Variants in PPP2R2C observed in about 807,000 individuals in gnomAD.
PPP2R2C encodes protein phosphatase 2 regulatory subunit Bgamma.
Under a neutral mutation model 45.3 loss-of-function variants are expected in PPP2R2C, and 10 were observed. That is an observed-to-expected ratio of 0.22 (90% CI 0.14 to 0.37). The LOEUF is 0.37. Ranked by LOEUF, PPP2R2C falls within the 10% of genes least tolerant of loss-of-function variation. The pLI, the probability that PPP2R2C is intolerant of heterozygous loss-of-function variation, is 1.00. For missense variants in PPP2R2C, 308 were observed against 619.7 expected (o/e 0.50, Z 5.34); for synonymous variants, 257 against 245.4 (o/e 1.05, Z -0.44).
intron 6 of PPP2R2C, among the ~76,000 whole-genome samples, chr4:6,343,970 C>T (rs886133014): frequency 6.6e-6 from 1 of 152,260 alleles, no homozygotes; most frequent in African/African-American, 2.4e-5. Flanking sequence ...CAGGCAGCCC[C>T]ACCCTGTCTA....
intron 1 of PPP2R2C, among the ~76,000 whole-genome samples, chr4:6,447,248 G>A (rs538843711): frequency 4.1e-4 from 62 of 152,256 alleles, no homozygotes; most frequent in African/African-American, 1.4e-3. Context: ...ACTCTGAGGA[G>A]GCCTGCGGTG....
chr4:6,550,963 T>A (rs1408056364), intron 1 of PPP2R2C, among the ~76,000 whole-genome samples: 4 of 152,238 alleles, frequency 2.6e-5, no homozygotes, highest in Non-Finnish European at 4.4e-5. Flanking sequence ...CACTTTTGTT[T>A]TGGTCTCTCT....
intron 2 of PPP2R2C, among the ~76,000 whole-genome samples, chr4:6,523,887 C>T (rs1278927409): frequency 3.3e-5 from 5 of 152,082 alleles, no homozygotes; most frequent in African/African-American, 9.7e-5. Flanking sequence ...ATATTCAGCC[C>T]GGAGAAGGAA....
At chr4:6,491,581 A>ATAAG (rs1295624727) in intron 2 of PPP2R2C, among the ~76,000 whole-genome samples, 2 of 152,230 alleles carry the variant, frequency 1.3e-5, no homozygotes, top group Non-Finnish European at 2.9e-5. Flanking sequence ...GGCCAGTGAT[A>ATAAG]TAAGTTGGCT....
In PPP2R2C at chr4:6,327,444, G is replaced by A. The variant is rs540006709; in HGVS notation, c.1052+1818C>T. On this transcript the variant is annotated intron_variant, in intron 8 of 8. Transcript: ENST00000382599. ...CAGTCCTGGGAGCAGGCATCACCTG[G>A]CCGCGGGTGCCCCCTGGTGGCAGCT... Among the ~76,000 whole-genome samples the A allele has an allele frequency of 2.6e-5, 4 of 152,344 alleles. No homozygotes were observed. In the South Asian group the frequency reaches 8.3e-4, roughly 32 times the overall value.
chr4:6,479,733 C>CT (rs34977601), intron 2 of PPP2R2C, among the ~76,000 whole-genome samples: 40,096 of 146,158 alleles, frequency 0.27, 6,769 homozygotes, highest in East Asian at 0.63. Context: ...ATGATCAGAC[C>CT]TTTTTTTTTT....
At position 6,382,667 on chromosome 4, in the gene PPP2R2C, T is replaced by A. The variant is rs1199523355; in HGVS notation, c.71-1573A>T. On this transcript the variant is annotated intron_variant, in intron 1 of 8. Transcript: ENST00000382599. Reference sequence around the variant, plus strand: ...CTCTCTCTCTCTCTCTCTCTCTCTCTCTCTCTCTCACACACACACACACAC... The same window carrying A: ...CTCTCTCTCTCTCTCTCTCTCTCTCACTCTCTCTCACACACACACACACAC... 1,695 of 176,138 alleles carry A rather than the reference T, an allele frequency of 9.6e-3. 4 individuals are homozygous for A. Among genetic ancestry groups the A allele is most frequent in the Non-Finnish European group, 0.014 (1,316 of 94,162 alleles). The allele number at this position is 176,138 out of a possible 1,614,324, so 10.9% of individuals were successfully genotyped here.
At position 6,338,550 on chromosome 4, in the gene PPP2R2C, C is replaced by T. The variant is rs80090112; in HGVS notation, c.791-4819G>A. Reference sequence around the variant, plus strand: ...CCTTTCCAGCCTCACACAGAGCCGACGGCACCTCCTTCTGCTTGAAGCCCT... The same window carrying T: ...CCTTTCCAGCCTCACACAGAGCCGATGGCACCTCCTTCTGCTTGAAGCCCT... On this transcript the variant is annotated intron_variant, in intron 6 of 8. Transcript: ENST00000382599. 3.8e-3 allele frequency among the ~76,000 whole-genome samples: 573 copies of T among 152,240 alleles called. 1 individual carries two copies. Among genetic ancestry groups the T allele is most frequent in the African/African-American group, 0.013 (547 of 41,548 alleles).
At chr4:6,561,213 C>G (rs759682374) in intron 1 of PPP2R2C, among the ~76,000 whole-genome samples, 88 of 152,170 alleles carry the variant, frequency 5.8e-4, no homozygotes, top group Non-Finnish European at 1.0e-3. Context: ...AAATGCCTGA[C>G]TCGACACTCA....
chr4:6,475,754 C>G (rs1191229373), upstream of PPP2R2C, among the ~76,000 whole-genome samples: 1 of 152,240 alleles, frequency 6.6e-6, no homozygotes, highest in Non-Finnish European at 1.5e-5. Flanking sequence ...TGCTTCTGTG[C>G]CCCCAACTTG....
At chr4:6,394,872 T>C (rs1251889791) in intron 1 of PPP2R2C, among the ~76,000 whole-genome samples, 2 of 152,212 alleles carry the variant, frequency 1.3e-5, no homozygotes, top group Non-Finnish European at 2.9e-5. Context: ...AGCGTGTCCA[T>C]CAGCCCCCTT....
rs541340720 is a variant in PPP2R2C, at chr4:6,359,436, T to C, written c.626-11426A>G. ...GTGCAGCACACCAACATGGCACATGTATACCTATGTAACAAACATGCACAT... is the reference window on the plus strand; with the variant it reads ...GTGCAGCACACCAACATGGCACATGCATACCTATGTAACAAACATGCACAT... On this transcript the variant is annotated intron_variant, in intron 5 of 8. Coordinates refer to ENST00000382599, the MANE Select transcript of PPP2R2C (RefSeq NM_020416.4). Among the ~76,000 whole-genome samples, 25 of 152,254 alleles carry C rather than the reference T, an allele frequency of 1.6e-4. 1 individual carries two copies. In the South Asian group the frequency reaches 4.8e-3, roughly 29 times the overall value.
rs939164967 is a variant in PPP2R2C at position 6,331,698 on chromosome 4, G to A, written c.960+1864C>T. On this transcript the variant is annotated intron_variant, in intron 7 of 8. Transcript: ENST00000382599. The surrounding 1 kb of genome is among the most constrained non-coding windows in gnomAD (Gnocchi z 5.9). ...GGTGTGGCAGCCACTTTGCCACCATGAGGTACCACATGTGAAGGTGGAAAA... is the reference window on the plus strand; with the variant it reads ...GGTGTGGCAGCCACTTTGCCACCATAAGGTACCACATGTGAAGGTGGAAAA... 6.6e-5 allele frequency among the ~76,000 whole-genome samples: 10 copies of A among 152,244 alleles called. No homozygotes were observed. The highest frequency in any genetic ancestry group is 2.4e-4 in the African/African-American group (10 of 41,542).
intron 1 of PPP2R2C, among the ~76,000 whole-genome samples, chr4:6,412,718 T>A (rs1328619291): frequency 6.6e-6 from 1 of 152,132 alleles, no homozygotes; most frequent in Non-Finnish European, 1.5e-5. Context: ...CTGTGTCCCC[T>A]CAAATTCATA....
intron 5 of PPP2R2C, chr4:6,350,943 CCT>C (rs1357789788): frequency 2.0e-6 from 2 of 985,218 alleles, no homozygotes; most frequent in Non-Finnish European, 1.2e-6. Flanking sequence ...ACGTGAGCCC[CCT>C]GACAGGTTCA....
rs1731505471 is a variant in PPP2R2C, at chr4:6,320,839, C to T, written c.*2463G>A. The T allele has an allele frequency of 6.7e-6, 1 of 149,600 alleles. No homozygotes were observed. The highest frequency in any genetic ancestry group is 1.5e-5 in the Non-Finnish European group (1 of 67,498). The allele number at this position is 149,600 out of a possible 1,614,324, so 9.3% of individuals were successfully genotyped here. A position where few individuals can be genotyped will look rare whatever the true frequency, so the allele number is the denominator to read the frequency against. ...AAAACCAAAAAAACCCCAACAACTT[C>T]ACAATGACTATGTGAACGCCCGTAC... On this transcript the variant is annotated 3_prime_UTR_variant, in exon 9 of 9. Transcript: ENST00000382599.
At chr4:6,424,945 G>T (rs1719202837) in intron 1 of PPP2R2C, among the ~76,000 whole-genome samples, 2 of 152,200 alleles carry the variant, frequency 1.3e-5, no homozygotes, top group Admixed American at 1.3e-4. Flanking sequence ...AGCCTCTTTA[G>T]GGTTCACTTT....
rs57209185 is a variant in PPP2R2C at position 6,408,873 on chromosome 4, C to CTTT, written c.71-27782_71-27780dup. Among the ~76,000 whole-genome samples the CTTT allele has an allele frequency of 8.8e-3, 1,111 of 126,724 alleles. 46 individuals carry two copies. Among genetic ancestry groups the CTTT allele is most frequent in the East Asian group, 0.053 (226 of 4,238 alleles). The allele number at this position is 126,724 out of a possible 152,430, so 83.1% of individuals were successfully genotyped here. ...AGAGGGCCTCTCAAGGATCCTGTGGCTTTTTTTTTTTTTTTTTTAGGATTA... is the reference window on the plus strand; with the variant it reads ...AGAGGGCCTCTCAAGGATCCTGTGGCTTTTTTTTTTTTTTTTTTTTTAGGATTA... On this transcript the variant is annotated intron_variant, in intron 1 of 8. Coordinates refer to ENST00000382599, the MANE Select transcript of PPP2R2C (RefSeq NM_020416.4).
At chr4:6,362,798 G>C (rs751386700) in intron 5 of PPP2R2C, among the ~76,000 whole-genome samples, 1 of 152,282 alleles carries the variant, frequency 6.6e-6, no homozygotes, top group Non-Finnish European at 1.5e-5. Flanking sequence ...ACTGAGAGGC[G>C]GTGTAGCATG....
Sources: gnomAD v4.1 joint callset for allele counts (sites outside exome capture counted in the v4.1 genomes callset) on GRCh38, gnomAD v4.1.1 for gene constraint, Gnocchi (gnomAD v3.1) non-coding constraint, MANE v1.5 for transcripts, NCBI Gene and HGNC (gene_info 2026-07-23, HGNC 2026-07-21) for gene names.